Variants in PCDHGA2 observed in about 807,000 individuals in gnomAD.
PCDHGA2 encodes the protein protocadherin gamma subfamily A, 2, also known as protocadherin gamma-A2.
In PCDHGA2, 40 loss-of-function variants were observed where a neutral mutation model predicts 59.2. The observed-to-expected ratio is 0.68, with a 90% CI of 0.52 to 0.88. The LOEUF (loss-of-function observed/expected upper bound fraction) is 0.88. PCDHGA2 is among the 40% of genes least tolerant of loss of function. The pLI is 0.00. For missense variants in PCDHGA2, 1,226 were observed against 1,204.0 expected, an observed-to-expected ratio of 1.02 and a Z score of -0.27; for synonymous variants, 560 against 526.0, an observed-to-expected ratio of 1.06 and a Z score of -0.89.
chr5:141,394,789 C>G (rs747304715), intron 1 of PCDHGA2: 1 of 1,613,728 alleles, frequency 6.2e-7, no homozygotes, highest in Non-Finnish European at 8.5e-7. Context: ...GCCACTGTCA[C>G]GCTCACCGTA....
chr5:141,408,817 G>T (rs2095174337), intron 1 of PCDHGA2: 2 of 1,613,438 alleles, frequency 1.2e-6, no homozygotes, highest in Admixed American at 1.7e-5. Context: ...GGGAAGAACA[G>T]AGATCTCATA....
chr5:141,478,563 C>A, intron 1 of PCDHGA2: 2 of 1,596,270 alleles, frequency 1.3e-6, no homozygotes, highest in South Asian at 1.1e-5. Context: ...TTTAGCAAGT[C>A]ATGCTTGACC....
chr5:141,492,303 G>A (rs969991314), intron 1 of PCDHGA2, among the ~76,000 whole-genome samples: 1 of 152,202 alleles, frequency 6.6e-6, no homozygotes, highest in African/African-American at 2.4e-5. Context: ...GCGGACGCAC[G>A]CACGCACTCC....
intron 1 of PCDHGA2, among the ~76,000 whole-genome samples, chr5:141,430,357 T>C (rs1258305414): frequency 1.3e-5 from 2 of 149,904 alleles, no homozygotes; most frequent in Non-Finnish European, 3.0e-5. Context: ...ATTTAAAAGC[T>C]CATTGGGGAA....
chr5:141,383,931 T>C lies in PCDHGA2; in HGVS notation c.2424+42536T>C, dbSNP rs1017184990. ...CAGTTTTAGATGTAAATGATAATGC[T>C]CCAGAAGTGACTATGACGTCTTTAA... On this transcript the variant is annotated intron_variant, in intron 1 of 3. Transcript: ENST00000394576. 2.5e-6 allele frequency: 4 copies of C among 1,613,818 alleles called. No homozygotes were observed. In the South Asian group the frequency reaches 4.4e-5, roughly 18 times the overall value.
chr5:141,403,634 A>T, intron 1 of PCDHGA2: 1 of 1,613,920 alleles, frequency 6.2e-7, no homozygotes, highest in Non-Finnish European at 8.5e-7. Flanking sequence ...CACAGTGCGC[A>T]TCCATGTGAC....
chr5:141,425,337 G>A (rs1327677274), intron 1 of PCDHGA2, among the ~76,000 whole-genome samples: 1 of 152,186 alleles, frequency 6.6e-6, no homozygotes. Flanking sequence ...AAAAAGGAAG[G>A]GTTGGCTTTG....
intron 1 of PCDHGA2, chr5:141,414,797 G>A: frequency 6.2e-7 from 1 of 1,614,230 alleles, no homozygotes. Context: ...GCCAGCGACA[G>A]CGGGGATCCT....
Position 141,422,497 on chromosome 5 carries a change from A to G in PCDHGA2, c.2425-72310A>G, listed in dbSNP as rs1257927470. 1.9e-6 allele frequency: 3 copies of G among 1,613,874 alleles called. No homozygotes were observed. In the African/African-American group the frequency reaches 4.0e-5, roughly 22 times the overall value. On this transcript the variant is annotated intron_variant, in intron 1 of 3. Transcript: ENST00000394576. Reference sequence around the variant, plus strand: ...GGTCCAGAGCTACAATATAACGTTGACAGCCACAGACCAGGGAAGCCCGCC... The same window carrying G: ...GGTCCAGAGCTACAATATAACGTTGGCAGCCACAGACCAGGGAAGCCCGCC...
At chr5:141,408,329 A>C (rs2095085203) in intron 1 of PCDHGA2, 1 of 1,613,580 alleles carries the variant, frequency 6.2e-7, no homozygotes, top group Non-Finnish European at 8.5e-7. Context: ...GGAGCTGGCC[A>C]AGGGCTCGGT....
chr5:141,339,170 G>T lies in PCDHGA2; in HGVS notation c.199G>T (p.Val67Phe), dbSNP rs1399656890. ...LALAEQGVRI[V>F]SRGRSQLFAL... ...ACTGGCAGAGCAGGGAGTCCGCATCGTCTCCAGAGGTAGGTCCCAGCTCTT... is the reference window on the plus strand; with the variant it reads ...ACTGGCAGAGCAGGGAGTCCGCATCTTCTCCAGAGGTAGGTCCCAGCTCTT... The change falls in exon 1 of 4, where the codon GTC becomes TTC. Residue 67 changes from valine (V) to phenylalanine (F), a missense_variant. Coordinates refer to ENST00000394576, the MANE Select transcript of PCDHGA2 (RefSeq NM_018915.4). 2 of 1,614,088 alleles carry T rather than the reference G, an allele frequency of 1.2e-6. No homozygotes were observed. Among genetic ancestry groups the T allele is most frequent in the Admixed American group, 3.3e-5 (2 of 60,024 alleles).
intron 1 of PCDHGA2, among the ~76,000 whole-genome samples, chr5:141,433,449 T>C (rs2097611087): frequency 6.6e-6 from 1 of 152,068 alleles, no homozygotes; most frequent in Non-Finnish European, 1.5e-5. Context: ...TTGAGCAGGC[T>C]GATCTGAAAC....
chr5:141,390,020 C>A, intron 1 of PCDHGA2: 2 of 1,614,048 alleles, frequency 1.2e-6, no homozygotes, highest in Non-Finnish European at 1.7e-6. Flanking sequence ...TTGCCTTGCG[C>A]CTGCGACGCT....
rs758216080 is a variant in PCDHGA2, at chr5:141,398,809, C to A, written c.2424+57414C>A. 1.3e-5 allele frequency: 21 copies of A among 1,613,854 alleles called. No individual in the cohort carries two copies. In the South Asian group the frequency reaches 2.1e-4, roughly 16 times the overall value. On this transcript the variant is annotated intron_variant, in intron 1 of 3. Coordinates refer to ENST00000394576, the MANE Select transcript of PCDHGA2 (RefSeq NM_018915.4). ...TCCACCCCTAAGCGGCACCACTGAG[C>A]TCCGGATCCAGGTAACCGACGCCAA...
chr5:141,446,458 G>A (rs2098502933), intron 1 of PCDHGA2, among the ~76,000 whole-genome samples: 1 of 151,662 alleles, frequency 6.6e-6, no homozygotes, highest in African/African-American at 2.4e-5. Flanking sequence ...TATTCAGTGT[G>A]TGATTAGACA....
chr5:141,388,791 A>C (rs1247299397), intron 1 of PCDHGA2: 1 of 1,613,810 alleles, frequency 6.2e-7, no homozygotes, highest in Admixed American at 1.7e-5. Flanking sequence ...TACTGTTTTA[A>C]ATACATTAGA....
intron 1 of PCDHGA2, chr5:141,409,130 G>C (rs1265386524): frequency 2.5e-6 from 4 of 1,613,994 alleles, no homozygotes; most frequent in Non-Finnish European, 3.4e-6. Flanking sequence ...ATTTGATTTT[G>C]AAGATGTAGA....
intron 1 of PCDHGA2, among the ~76,000 whole-genome samples, chr5:141,483,007 C>T (rs938404755): frequency 1.3e-5 from 2 of 152,022 alleles, no homozygotes; most frequent in Non-Finnish European, 2.9e-5. Flanking sequence ...ATTGCTTGAA[C>T]CCGGGAGGCA....
chr5:141,345,203 G>A (rs1259862637), intron 1 of PCDHGA2: 2 of 1,613,954 alleles, frequency 1.2e-6, no homozygotes, highest in East Asian at 4.5e-5. Flanking sequence ...TGGGAAATCT[G>A]CCATTTAAGT....
Sources: gnomAD v4.1 joint callset for allele counts (sites outside exome capture counted in the v4.1 genomes callset) on GRCh38, gnomAD v4.1.1 for gene constraint, MANE v1.5 for transcripts, NCBI Gene and HGNC (gene_info 2026-07-23, HGNC 2026-07-21) for gene names.